The following HS6ST3 variants were observed in gnomAD, a reference collection of about 807,000 sequenced individuals.
HS6ST3 encodes the protein heparan sulfate 6-O-sulfotransferase 3, also known as heparan-sulfate 6-O-sulfotransferase 3.
HS6ST3 carries 12 observed loss-of-function variants against 36.7 expected under a neutral mutation model. That is an observed-to-expected ratio of 0.33 (90% CI 0.21 to 0.53). The LOEUF (loss-of-function observed/expected upper bound fraction) is 0.53, where lower values mean the gene tolerates loss of function less well. Among genes scored for constraint, HS6ST3 ranks in the 20% least tolerant of loss-of-function variants. The pLI, the probability that HS6ST3 is intolerant of heterozygous loss-of-function variation, is 0.95. For missense variants in HS6ST3, 584 were observed against 640.9 expected (o/e 0.91, Z 0.96); for synonymous variants, 240 against 257.5 (o/e 0.93, Z 0.65).
rs2055741360 is a variant in HS6ST3, at chr13:96,453,765, A to C, written c.707+362196A>C. 2.0e-5 allele frequency among the ~76,000 whole-genome samples: 3 copies of C among 152,238 alleles called. No individual in the cohort carries two copies. The South Asian group carries it at 6.2e-4, about 32-fold the overall frequency. On this transcript the variant is annotated intron_variant, in intron 1 of 1. Coordinates refer to ENST00000376705, the MANE Select transcript of HS6ST3 (RefSeq NM_153456.4). The stretch of plus-strand genomic sequence containing the variant: ...TGGACAGCAAGACTAGGATTACATC[A>C]CAGCACTGCTTAGTACATAACACCC...
chr13:96,311,428 C>T (rs867866542), intron 1 of HS6ST3, among the ~76,000 whole-genome samples: 2 of 152,040 alleles, frequency 1.3e-5, no homozygotes, highest in Non-Finnish European at 2.9e-5. Context: ...GGCTGGTGGG[C>T]GCTTTCCAGA....
intron 1 of HS6ST3, among the ~76,000 whole-genome samples, chr13:96,521,289 A>G (rs1330376703): frequency 6.6e-6 from 1 of 152,196 alleles, no homozygotes; most frequent in Non-Finnish European, 1.5e-5. Context: ...GATGTTCATC[A>G]GGGATATTGG....
intron 1 of HS6ST3, among the ~76,000 whole-genome samples, chr13:96,776,513 A>G (rs955554857): frequency 1.3e-5 from 2 of 152,212 alleles, no homozygotes; most frequent in Non-Finnish European, 2.9e-5. Context: ...AGGGGATATC[A>G]CCACTGATCC....
Position 96,470,853 on chromosome 13 carries a change from C to T in HS6ST3, c.708-361637C>T, listed in dbSNP as rs1259097333. Among the ~76,000 whole-genome samples, 4 of 152,152 alleles carry T rather than the reference C, an allele frequency of 2.6e-5. No individual in the cohort carries two copies. In the East Asian group the frequency reaches 7.7e-4, roughly 29 times the overall value. On this transcript the variant is annotated intron_variant, in intron 1 of 1. Transcript: ENST00000376705. The stretch of plus-strand genomic sequence containing the variant: ...TTTGGTAAAGTGTTTATCTGGCCAC[C>T]TCCAATTTACCATTTAGGTCTCAGC...
intron 1 of HS6ST3, among the ~76,000 whole-genome samples, chr13:96,191,947 C>T (rs936656923): frequency 3.9e-5 from 6 of 152,128 alleles, no homozygotes; most frequent in East Asian, 1.9e-4. Context: ...AGCATTCTTT[C>T]GAGTCAGAGA....
intron 1 of HS6ST3, among the ~76,000 whole-genome samples, chr13:96,136,433 GA>G (rs1194718951): frequency 6.6e-6 from 1 of 151,972 alleles, no homozygotes; most frequent in Non-Finnish European, 1.5e-5. Context: ...GTAGGACCAG[GA>G]CCAAGAGAGA....
At chr13:96,816,983 G>T (rs1342702102) in intron 1 of HS6ST3, among the ~76,000 whole-genome samples, 1 of 152,060 alleles carries the variant, frequency 6.6e-6, no homozygotes, top group Non-Finnish European at 1.5e-5. Flanking sequence ...CTATCTACTG[G>T]GTTGAACAGA....
intron 1 of HS6ST3, among the ~76,000 whole-genome samples, chr13:96,615,282 C>CA (rs2056470282): frequency 6.6e-6 from 1 of 152,170 alleles, no homozygotes; most frequent in Non-Finnish European, 1.5e-5. Context: ...GTGAATTAGA[C>CA]AAAAGATAGT....
intron 1 of HS6ST3, among the ~76,000 whole-genome samples, chr13:96,567,911 T>C (rs1051544721): frequency 1.3e-5 from 2 of 152,148 alleles, no homozygotes; most frequent in African/African-American, 4.8e-5. Context: ...GGGAAGCGCA[T>C]AAGAAAAGAT....
chr13:96,166,695 A>G (rs1432801331), intron 1 of HS6ST3, among the ~76,000 whole-genome samples: 2 of 150,966 alleles, frequency 1.3e-5, no homozygotes, highest in Non-Finnish European at 2.9e-5. Context: ...TATAGGCGTG[A>G]GCCACTGTAC....
intron 1 of HS6ST3, among the ~76,000 whole-genome samples, chr13:96,500,161 A>G (rs891521605): frequency 4.6e-5 from 7 of 152,254 alleles, no homozygotes; most frequent in Admixed American, 3.3e-4. Context: ...TGGACATCCC[A>G]TATAAATGGA....
At chr13:96,177,371 T>C (rs1243744291) in intron 1 of HS6ST3, among the ~76,000 whole-genome samples, 1 of 152,118 alleles carries the variant, frequency 6.6e-6, no homozygotes, top group East Asian at 1.9e-4. Flanking sequence ...GGAATCCACC[T>C]AAATGCCCAT....
chr13:96,776,901 C>G (rs1877399872), intron 1 of HS6ST3, among the ~76,000 whole-genome samples: 1 of 152,012 alleles, frequency 6.6e-6, no homozygotes, highest in Non-Finnish European at 1.5e-5. Flanking sequence ...AAGAAAATTA[C>G]AGGCCAATAT....
chr13:96,114,024 T>G (rs1158087234), intron 1 of HS6ST3, among the ~76,000 whole-genome samples: 1 of 152,104 alleles, frequency 6.6e-6, no homozygotes, highest in Non-Finnish European at 1.5e-5. Context: ...CAAAATAGTA[T>G]CTATTTAGTG....
chr13:96,379,037 C>T (rs990780690), intron 1 of HS6ST3, among the ~76,000 whole-genome samples: 5 of 152,120 alleles, frequency 3.3e-5, no homozygotes, highest in African/African-American at 4.8e-5. Flanking sequence ...TTGTGCATAT[C>T]GAGCCTCCTA....
chr13:96,658,268 C>CTTCTTTTTTTTTTTTTTTTTTTTTTTTT lies in HS6ST3; in HGVS notation c.708-174220_708-174219insCTTTTTTTTTTTTTTTTTTTTTTTTTTT, dbSNP rs1566422902. 6.0e-4 allele frequency among the ~76,000 whole-genome samples: 46 copies of CTTCTTTTTTTTTTTTTTTTTTTTTTTTT among 76,156 alleles called. 4 individuals are homozygous for CTTCTTTTTTTTTTTTTTTTTTTTTTTTT. The highest frequency in any genetic ancestry group is 8.0e-4 in the Non-Finnish European group (33 of 41,040). 50.0% of individuals were successfully genotyped at this position (76,156 alleles called of 152,430 possible). A position where few individuals can be genotyped will look rare whatever the true frequency, so the allele number is the denominator to read the frequency against. ...TTCTTCTTCTTCTTCTCTTCTTCTTCTTTTTTTTTTTTTTTTTTTTTTTTT... is the reference window on the plus strand; with the variant it reads ...TTCTTCTTCTTCTTCTCTTCTTCTTCTTCTTTTTTTTTTTTTTTTTTTTTTTTTTTTTTTTTTTTTTTTTTTTTTTTTT... On this transcript the variant is annotated intron_variant, in intron 1 of 1. Transcript: ENST00000376705.
intron 1 of HS6ST3, among the ~76,000 whole-genome samples, chr13:96,292,083 C>A (rs2054832559): frequency 6.6e-6 from 1 of 151,908 alleles, no homozygotes. Context: ...GTTATAATTC[C>A]CATATCATGG....
At chr13:96,644,285 CAAGAA>C in intron 1 of HS6ST3, among the ~76,000 whole-genome samples, 1 of 152,082 alleles carries the variant, frequency 6.6e-6, no homozygotes, top group South Asian at 2.1e-4. Flanking sequence ...TATCCAGTCT[CAAGAA>C]AAGGTTTGAC....
chr13:96,194,484 T>G (rs987803118), intron 1 of HS6ST3, among the ~76,000 whole-genome samples: 1 of 152,146 alleles, frequency 6.6e-6, no homozygotes, highest in Admixed American at 6.5e-5. Flanking sequence ...TATTGGAGTG[T>G]AATTGACAAA....
Sources: gnomAD v4.1 joint callset for allele counts (sites outside exome capture counted in the v4.1 genomes callset) on GRCh38, gnomAD v4.1.1 for gene constraint, MANE v1.5 for transcripts, NCBI Gene and HGNC (gene_info 2026-07-23, HGNC 2026-07-21) for gene names.